The following COL14A1 variants were observed in gnomAD, a reference collection of about 807,000 sequenced individuals.
The protein encoded by COL14A1 is collagen alpha-1(XIV) chain.
In COL14A1, 136 loss-of-function variants were observed where a neutral mutation model predicts 230.3. The ratio of observed to expected loss-of-function variants is 0.59; its 90% CI spans 0.51 to 0.68. The LOEUF (loss-of-function observed/expected upper bound fraction) is 0.68, where lower values mean the gene tolerates loss of function less well. Among genes scored for constraint, COL14A1 ranks in the 30% least tolerant of loss-of-function variants. The probability of loss-of-function intolerance (pLI) is 0.00; values close to 1 mark genes in which losing one functional copy is unlikely to be tolerated. For missense variants in COL14A1, 1,976 were observed against 2,215.8 expected (o/e 0.89, Z 2.17); for synonymous variants, 792 against 784.1 (o/e 1.01, Z -0.17).
intron 40 of COL14A1, among the ~76,000 whole-genome samples, chr8:120,320,233 T>A (rs1025086095): frequency 2.6e-5 from 4 of 152,222 alleles, no homozygotes; most frequent in Non-Finnish European, 5.9e-5. Flanking sequence ...TCTATAAAAA[T>A]GTGATTTTAG....
Position 120,283,789 on chromosome 8 carries a change from T to A in COL14A1, c.3967+11T>A, listed in dbSNP as rs1240426005. Reference sequence around the variant, plus strand: ...GGGTTATTTTAGACAGTAAGTATATTTATTGAGATCACATTCACATATACA... The same window carrying A: ...GGGTTATTTTAGACAGTAAGTATATATATTGAGATCACATTCACATATACA... On this transcript the variant is annotated intron_variant, in intron 32 of 47. Coordinates refer to ENST00000297848, the MANE Select transcript of COL14A1 (RefSeq NM_021110.4). 6.2e-7 allele frequency: 1 copy of A among 1,603,416 alleles called. No homozygotes were observed. Among genetic ancestry groups the A allele is most frequent in the African/African-American group, 1.3e-5 (1 of 74,260 alleles).
At chr8:120,166,717 A>G (rs968006252) in intron 4 of COL14A1, among the ~76,000 whole-genome samples, 6 of 152,226 alleles carry the variant, frequency 3.9e-5, no homozygotes, top group African/African-American at 1.2e-4. Flanking sequence ...TGGTAAAATT[A>G]CAGGAGGGTG....
intron 25 of COL14A1, among the ~76,000 whole-genome samples, chr8:120,268,115 G>C (rs983897020): frequency 1.8e-4 from 28 of 151,896 alleles, no homozygotes; most frequent in African/African-American, 6.5e-4. Flanking sequence ...ATGGCATGCA[G>C]AGTCTTCACA....
chr8:120,317,072 C>G (rs1278801140), intron 40 of COL14A1, among the ~76,000 whole-genome samples: 1 of 152,100 alleles, frequency 6.6e-6, no homozygotes, highest in Non-Finnish European at 1.5e-5. Flanking sequence ...AAACTGTCAC[C>G]GATTTAGACA....
At chr8:120,193,263 C>A (rs1254630581) in intron 5 of COL14A1, among the ~76,000 whole-genome samples, 1 of 152,196 alleles carries the variant, frequency 6.6e-6, no homozygotes, top group Non-Finnish European at 1.5e-5. Flanking sequence ...TTCCTTCTAA[C>A]AGACAGGACG....
chr8:120,162,706 C>T, intron 4 of COL14A1, 137 bp downstream of exon 4: 2 of 655,556 alleles, frequency 3.1e-6, no homozygotes, highest in Non-Finnish European at 2.3e-6. Flanking sequence ...TTCAGTCTTA[C>T]CTTCAACGAA....
intron 4 of COL14A1, among the ~76,000 whole-genome samples, chr8:120,166,932 ATGG>A (rs1274156430): frequency 4.4e-5 from 5 of 112,666 alleles, no homozygotes; most frequent in African/African-American, 1.3e-4. Context: ...GGTGGTGATG[ATGG>A]TGGTGGTGGG....
Position 120,322,177 on chromosome 8 carries a change from A to T in COL14A1, c.4659+6180A>T, listed in dbSNP as rs902524804. Among the ~76,000 whole-genome samples, 67 of 151,554 alleles carry T rather than the reference A, an allele frequency of 4.4e-4. 1 individual carries two copies. The highest frequency in any genetic ancestry group is 1.7e-3 in the South Asian group (8 of 4,768). On this transcript the variant is annotated intron_variant, in intron 40 of 47. Coordinates refer to ENST00000297848, the MANE Select transcript of COL14A1 (RefSeq NM_021110.4). ...TTATAAGTGGGAACTGAACAATGAG[A>T]TAACATGGACACAGGGAGGGGGAAA...
In COL14A1 at chr8:120,178,875, C is replaced by A. The variant is rs573318878; in HGVS notation, c.436+10628C>A. On this transcript the variant is annotated intron_variant, in intron 5 of 47. Coordinates refer to ENST00000297848, the MANE Select transcript of COL14A1 (RefSeq NM_021110.4). ...TGTTTGTTGCCTGCATAAATATATT[C>A]TTTTCAAAAGTGTCTGTTTATATCC... is the stretch of plus-strand genomic sequence containing the variant. 8.0e-5 allele frequency among the ~76,000 whole-genome samples: 12 copies of A among 150,734 alleles called. No individual in the cohort carries two copies. In the East Asian group the frequency reaches 1.9e-3, roughly 24 times the overall value.
rs145249701 is a variant in COL14A1, at chr8:120,148,366, C to T, written c.88+436C>T. Among the ~76,000 whole-genome samples the T allele has an allele frequency of 3.0e-3, 461 of 152,096 alleles. 4 individuals carry two copies. The highest frequency in any genetic ancestry group is 0.011 in the African/African-American group (440 of 41,488). On this transcript the variant is annotated intron_variant, in intron 2 of 47. Coordinates refer to ENST00000297848, the MANE Select transcript of COL14A1 (RefSeq NM_021110.4). ...CAGGCTGCTCTCGAACTCCTGATCTCGTGATCTGCCCACCTCGGCCTCCCG... is the reference window on the plus strand; with the variant it reads ...CAGGCTGCTCTCGAACTCCTGATCTTGTGATCTGCCCACCTCGGCCTCCCG...
intron 5 of COL14A1, among the ~76,000 whole-genome samples, chr8:120,174,338 G>A (rs771624633): frequency 6.6e-6 from 1 of 151,962 alleles, no homozygotes; most frequent in African/African-American, 2.4e-5. Context: ...GTGGATTAGA[G>A]TTTGGTGTCA....
chr8:120,263,093 T>C (rs912836439), intron 24 of COL14A1, 79 bp downstream of exon 24: 12 of 1,435,284 alleles, frequency 8.4e-6, no homozygotes, highest in Non-Finnish European at 1.1e-5. Context: ...CTTATCCCAT[T>C]TAGAAAAATA....
At chr8:120,234,315 G>C (rs1818371716) in intron 19 of COL14A1, among the ~76,000 whole-genome samples, 1 of 152,028 alleles carries the variant, frequency 6.6e-6, no homozygotes, top group South Asian at 2.1e-4. Flanking sequence ...ACTTTCTCTT[G>C]CCTGATTGCC....
At chr8:120,128,228 CGTGTGTGTGTGTGTGTGTGT>C (rs33988612) in intron 1 of COL14A1, among the ~76,000 whole-genome samples, 1 of 146,684 alleles carries the variant, frequency 6.8e-6, no homozygotes, top group African/African-American at 2.5e-5. Context: ...TGTGCGCGCG[CGTGTGTGTGTGTGTGTGTGT>C]GTGTGTGTGT....
chr8:120,134,442 T>A (rs1028298363), intron 1 of COL14A1, among the ~76,000 whole-genome samples: 3 of 152,110 alleles, frequency 2.0e-5, no homozygotes, highest in African/African-American at 7.2e-5. Flanking sequence ...GTTAAAACTT[T>A]TTCATTTACA....
intron 18 of COL14A1, among the ~76,000 whole-genome samples, chr8:120,229,277 A>G (rs1818192192): frequency 2.2e-5 from 2 of 92,230 alleles, no homozygotes; most frequent in Non-Finnish European, 4.0e-5. Context: ...CCACCCCACA[A>G]CAGTCCCCAG....
At chr8:120,361,484 C>T (rs984866054) in intron 45 of COL14A1, among the ~76,000 whole-genome samples, 2 of 152,162 alleles carry the variant, frequency 1.3e-5, no homozygotes, top group Non-Finnish European at 2.9e-5. Context: ...ATTGAATTAA[C>T]TCCAATTAAT....
At chr8:120,347,545 G>A (rs1822564294) in intron 45 of COL14A1, among the ~76,000 whole-genome samples, 1 of 152,144 alleles carries the variant, frequency 6.6e-6, no homozygotes, top group Non-Finnish European at 1.5e-5. Context: ...TGGATTTGCT[G>A]CTGCAAGGTA....
At chr8:120,214,255 T>A (rs1817688258) in intron 13 of COL14A1, among the ~76,000 whole-genome samples, 1 of 152,222 alleles carries the variant, frequency 6.6e-6, no homozygotes, top group South Asian at 2.1e-4. Context: ...CTGTTCCTAG[T>A]AACTGGGACG....
Sources: allele counts gnomAD v4.1 joint callset (sites outside exome capture counted in the v4.1 genomes callset), GRCh38; gene constraint gnomAD v4.1.1; transcripts MANE v1.5; gene names NCBI Gene and HGNC (gene_info 2026-07-23, HGNC 2026-07-21).